The following UFL1 variants were observed in gnomAD, a reference collection of about 807,000 sequenced individuals.
The protein encoded by UFL1 is E3 UFM1-protein ligase 1.
A neutral mutation model predicts 99.3 loss-of-function variants in UFL1; 78 were observed. That is an observed-to-expected ratio of 0.79 (90% confidence interval 0.65 to 0.95). The LOEUF (loss-of-function observed/expected upper bound fraction) is 0.95, where lower values mean the gene tolerates loss of function less well. Among genes scored for constraint, UFL1 ranks in the 40% least tolerant of loss-of-function variants. The probability of loss-of-function intolerance (pLI) is 0.00; values close to 1 mark genes in which losing one functional copy is unlikely to be tolerated. For synonymous variants in UFL1, 335 were observed against 322.2 expected, an observed-to-expected ratio of 1.04 and a Z score of -0.42; for missense variants, 936 against 937.0, an observed-to-expected ratio of 1.00 and a Z score of 0.01.
Position 96,526,306 on chromosome 6 carries a change from T to C in UFL1, c.351-15T>C. On this transcript the variant is annotated splice_polypyrimidine_tract_variant and intron_variant, in intron 4 of 18. Coordinates refer to ENST00000369278, the MANE Select transcript of UFL1 (RefSeq NM_015323.5). ...CTAATTCTTTTTTCTATTATTTTCT[T>C]GTTTTCACTATTAGGAATTATTTGG... The C allele has an allele frequency of 1.3e-6, 2 of 1,574,350 alleles. No homozygotes were observed. Among genetic ancestry groups the C allele is most frequent in the South Asian group, 2.3e-5 (2 of 85,482 alleles).
At chr6:96,526,249 A>G (rs1447329761) in intron 4 of UFL1, 72 bp from the exon 5 acceptor site, 25 of 1,308,748 alleles carry the variant, frequency 1.9e-5, no homozygotes, top group Non-Finnish European at 2.3e-5. Context: ...AACGGAAATT[A>G]AACATAAAAT....
Position 96,537,381 on chromosome 6 carries a change from T to C in UFL1, c.810T>C (p.Asp270=). The C allele has an allele frequency of 6.4e-7, 1 of 1,556,810 alleles. No individual in the cohort carries two copies. Among genetic ancestry groups the C allele is most frequent in the Non-Finnish European group, 8.6e-7 (1 of 1,158,804 alleles). The change falls in exon 9 of 19, where the codon GAT becomes GAC. Residue 270 remains aspartate (D), a synonymous_variant. Transcript: ENST00000369278. ...TTTGTGATATATTTGTAGAATTTGA[T>C]GCTTTGTCCAGACTTGGAATCCCAG... ...FFRQNGYLEF[D]ALSRLGIPDA... is the part of the protein sequence containing the mutation.
chr6:96,525,493 TCATTTA>T, intron 4 of UFL1, 99 bp downstream of exon 4: 1 of 859,692 alleles, frequency 1.2e-6, no homozygotes, highest in Non-Finnish European at 1.9e-6. Flanking sequence ...GTTAGACATT[TCATTTA>T]TAACTCTTAC....
At chr6:96,549,095 T>G (rs1011796948) in intron 13 of UFL1, among the ~76,000 whole-genome samples, 1 of 151,730 alleles carries the variant, frequency 6.6e-6, no homozygotes, top group Non-Finnish European at 1.5e-5. Context: ...TTCCTGAAGA[T>G]GAAGAACAGA....
intron 12 of UFL1, among the ~76,000 whole-genome samples, chr6:96,546,178 T>C (rs1290853668): frequency 6.6e-6 from 1 of 150,452 alleles, no homozygotes; most frequent in African/African-American, 2.4e-5. Flanking sequence ...AATATCAGGA[T>C]ACAAAATGAG....
At chr6:96,530,719 C>G (rs527669910) in intron 6 of UFL1, among the ~76,000 whole-genome samples, 30 of 152,148 alleles carry the variant, frequency 2.0e-4, no homozygotes, top group Non-Finnish European at 3.5e-4. Flanking sequence ...TTAAGATGTT[C>G]CAGGCTCAGT....
chr6:96,543,564 G>A (rs148832387), intron 12 of UFL1, among the ~76,000 whole-genome samples: 236 of 151,300 alleles, frequency 1.6e-3, no homozygotes, highest in African/African-American at 5.3e-3. Context: ...TAGAGGGAAT[G>A]GCTGACTGTG....
chr6:96,540,501 T>C (rs749202425), intron 10 of UFL1, 34 bp from the exon 11 acceptor site: 1 of 1,582,582 alleles, frequency 6.3e-7, no homozygotes, highest in Non-Finnish European at 8.6e-7. Flanking sequence ...ATGCTATGTG[T>C]TTTTCCTACC....
rs1486357178 is a variant in UFL1, at chr6:96,525,546, AAAGT to A, written c.350+157_350+160del. The A allele has an allele frequency of 5.2e-5, 34 of 656,170 alleles. No individual in the cohort carries two copies. In the Admixed American group the frequency reaches 1.1e-3, roughly 21 times the overall value. 40.6% of individuals were successfully genotyped at this position (656,170 alleles called of 1,614,324 possible). On this transcript the variant is annotated intron_variant, in intron 4 of 18. Coordinates refer to ENST00000369278, the MANE Select transcript of UFL1 (RefSeq NM_015323.5). ...TCATGATAAGGTTTATTTCACTTAA[AAAGT>A]AAGTGTTTAAGCCACATATGGTGGC...
Position 96,551,880 on chromosome 6 carries a change from G to T in UFL1, c.1942G>T (p.Ala648Ser). 6.2e-7 allele frequency: 1 copy of T among 1,609,718 alleles called. No individual in the cohort carries two copies. Among genetic ancestry groups the T allele is most frequent in the South Asian group, 1.1e-5 (1 of 90,554 alleles). The change falls in exon 17 of 19, where the codon GCT becomes TCT. Residue 648 changes from alanine to serine, a missense_variant. Coordinates refer to ENST00000369278, the MANE Select transcript of UFL1 (RefSeq NM_015323.5). ...TTCTTGTCTGGATTCTGCAGCAGAAGCTTGTGATATTATGGTGAAAAGGGG... is the reference window on the plus strand; with the variant it reads ...TTCTTGTCTGGATTCTGCAGCAGAATCTTGTGATATTATGGTGAAAAGGGG... ...FISCLDSAAE[A>S]CDIMVKRGDK...
chr6:96,522,987 T>TTA (rs397823797), intron 1 of UFL1, 159 bp from the exon 2 acceptor site: 2 of 616,648 alleles, frequency 3.2e-6, no homozygotes, highest in Admixed American at 7.6e-5. Context: ...GGTTTTTTTT[T>TTA]AACTTATTGA....
At chr6:96,537,276 C>T in intron 8 of UFL1, 98 bp from the exon 9 acceptor site, 1 of 1,070,884 alleles carries the variant, frequency 9.3e-7, no homozygotes, top group Non-Finnish European at 1.3e-6. Flanking sequence ...GTAGACATCT[C>T]TAATAACTTT....
chr6:96,522,048 C>A, intron 1 of UFL1, 98 bp downstream of exon 1: 1 of 1,292,992 alleles, frequency 7.7e-7, no homozygotes. Flanking sequence ...CATCCCGGGT[C>A]TTCTCGCTGC....
intron 12 of UFL1, among the ~76,000 whole-genome samples, chr6:96,546,223 G>A (rs1345010555): frequency 6.7e-6 from 1 of 149,600 alleles, no homozygotes; most frequent in Admixed American, 6.7e-5. Context: ...ATACATCAGT[G>A]TCTTTCAAGC....
In UFL1 at chr6:96,526,431, C is replaced by G; in HGVS notation, c.461C>G (p.Thr154Arg). 1 of 1,609,214 alleles carries G rather than the reference C, an allele frequency of 6.2e-7. No homozygotes were observed. Among genetic ancestry groups the G allele is most frequent in the Non-Finnish European group, 8.5e-7 (1 of 1,178,262 alleles). The change falls in exon 5 of 19, where the codon ACA (threonine) becomes AGA (arginine). Residue 154 changes from threonine to arginine, a missense_variant. Physicochemically the swap from Thr to Arg is moderately conservative, Grantham distance 71. Coordinates refer to ENST00000369278, the MANE Select transcript of UFL1 (RefSeq NM_015323.5). ...TATGATCTTCCTGGGAACTTTCTGACACAGGTATTTTTTTTCCTAATAATA... is the reference window on the plus strand; with the variant it reads ...TATGATCTTCCTGGGAACTTTCTGAGACAGGTATTTTTTTTCCTAATAATA... ...KTYDLPGNFL[T>R]QALTQRLGRI...
chr6:96,539,834 A>C (rs949621088), intron 10 of UFL1, among the ~76,000 whole-genome samples: 1 of 151,536 alleles, frequency 6.6e-6, no homozygotes, highest in African/African-American at 2.4e-5. Context: ...TAACCACAAA[A>C]ATAAATTTGG....
In UFL1 at chr6:96,540,548, A is replaced by T. The variant is rs758075719; in HGVS notation, c.1172A>T (p.Asn391Ile). Residue 391 changes from asparagine (N) to isoleucine (I), a missense_variant, in exon 11 of 19, where the codon AAT becomes ATT. Asn to Ile is a moderately radical substitution (Grantham distance 149). Coordinates refer to ENST00000369278, the MANE Select transcript of UFL1 (RefSeq NM_015323.5). Reference protein sequence around the residue: ...HQKAEKEMKNNPVHLITEEDL... With the variant: ...HQKAEKEMKNIPVHLITEEDL... ...GTTTTATTTTAGGAAATGAAAAATA[A>T]TCCTGTGCATTTAATCACTGAAGAA... is the stretch of plus-strand genomic sequence containing the variant. 7.5e-6 allele frequency: 12 copies of T among 1,603,514 alleles called. No individual in the cohort carries two copies. Among genetic ancestry groups the T allele is most frequent in the Non-Finnish European group, 1.0e-5 (12 of 1,175,478 alleles).
intron 11 of UFL1, 56 bp downstream of exon 11, chr6:96,540,711 T>C: frequency 6.4e-7 from 1 of 1,557,726 alleles, no homozygotes; most frequent in South Asian, 1.2e-5. Context: ...CAGTGAACTT[T>C]GCATTTATCA....
At chr6:96,542,866 A>G (rs751875587) in intron 11 of UFL1, 28 bp from the exon 12 acceptor site, 3 of 1,539,610 alleles carry the variant, frequency 1.9e-6, no homozygotes, top group Admixed American at 2.2e-5. Flanking sequence ...TAGTTAGGTA[A>G]TGCTAACTAA....
Sources: allele counts gnomAD v4.1 joint callset (sites outside exome capture counted in the v4.1 genomes callset), GRCh38; gene constraint gnomAD v4.1.1; transcripts MANE v1.5; gene names NCBI Gene and HGNC (gene_info 2026-07-23, HGNC 2026-07-21).